The following NAV1 variants were observed in gnomAD, a reference collection of about 807,000 sequenced individuals.
NAV1 encodes the protein neuron navigator 1.
NAV1 carries 18 observed loss-of-function variants against 175.2 expected under a neutral mutation model. The observed-to-expected ratio is 0.10, with a 90% CI of 0.07 to 0.15. NAV1 has a LOEUF of 0.15. Among genes scored for constraint, NAV1 ranks in the 10% least tolerant of loss-of-function variants. The probability of loss-of-function intolerance (pLI) is 1.00; values close to 1 mark genes in which losing one functional copy is unlikely to be tolerated. For synonymous variants in NAV1, 897 were observed against 978.7 expected, an observed-to-expected ratio of 0.92 and a Z score of 1.56; for missense variants, 1,731 against 2,436.6, an observed-to-expected ratio of 0.71 and a Z score of 6.10.
At chr1:201,675,426 G>T (rs77765774) in intron 1 of NAV1, among the ~76,000 whole-genome samples, 4 of 152,136 alleles carry the variant, frequency 2.6e-5, no homozygotes, top group Admixed American at 2.0e-4. Flanking sequence ...GGCCAGCCTC[G>T]TGTAACCTCA....
At chr1:201,774,624 C>CA (rs563425674) in intron 3 of NAV1, among the ~76,000 whole-genome samples, 41 of 151,818 alleles carry the variant, frequency 2.7e-4, no homozygotes, top group Middle Eastern at 6.8e-3. Flanking sequence ...GACCCCATCT[C>CA]AAAAAAAATA....
chr1:201,768,641 T>TAAAA (rs71281169), intron 3 of NAV1, among the ~76,000 whole-genome samples: 2 of 114,170 alleles, frequency 1.8e-5, no homozygotes, highest in African/African-American at 6.6e-5. Flanking sequence ...TTGTCTCAAT[T>TAAAA]AAAAAAAAAA....
chr1:201,652,297 G>T (rs945291180), intron 1 of NAV1, among the ~76,000 whole-genome samples: 2 of 151,858 alleles, frequency 1.3e-5, no homozygotes, highest in Non-Finnish European at 2.9e-5. Flanking sequence ...GAGCCTTTCT[G>T]TAATAAGAGG....
In NAV1 at chr1:201,576,476, T is replaced by C. The variant is rs140951291; in HGVS notation, c.-143-12063T>C. ...AGCTGATAAGCTGGGGATGGTGGCA[T>C]GTGCCTGTAATCTCAACTAATCAGG... is the stretch of plus-strand genomic sequence containing the variant. On this transcript the variant is annotated intron_variant, in intron 1 of 33. Coordinates refer to the NAV1 transcript ENST00000685211. 3.4e-3 allele frequency among the ~76,000 whole-genome samples: 520 copies of C among 152,266 alleles called. 5 individuals are homozygous for C. The highest frequency in any genetic ancestry group is 0.012 in the African/African-American group (504 of 41,546).
In NAV1 at chr1:201,588,518, AT is replaced by A. The variant is rs58689392; in HGVS notation, c.-143-5del. Among the ~76,000 whole-genome samples the A allele has an allele frequency of 0.051, 7,176 of 139,452 alleles. 169 individuals are homozygous for A. The highest frequency in any genetic ancestry group is 0.074 in the Middle Eastern group (21 of 282). 91.5% of individuals were successfully genotyped at this position (139,452 alleles called of 152,430 possible). On this transcript the variant is annotated intron_variant, in intron 1 of 33. Coordinates refer to the NAV1 transcript ENST00000685211. ...AGGTGCCACCACACCCAGCTGATTA[AT>A]TTTTTTTTTTTTTTTGTAGAGACAG...
In NAV1 at chr1:201,702,672, T is replaced by TTCCCTCTCTCTCTCTCTCTTTCTCTCTC. The variant is rs1365276379; in HGVS notation, c.758-10143_758-10142insCCTCTCTCTCTCTCTCTTTCTCTCTCTC. ...AAAAGGGTGAATTTTGGTATGTGAATTCTCTCTCTCTCTCTCTCTCTCTCT... is the reference window on the plus strand; with the variant it reads ...AAAAGGGTGAATTTTGGTATGTGAATTCCCTCTCTCTCTCTCTCTTTCTCTCTCTCTCTCTCTCTCTCTCTCTCTCTCT... On this transcript the variant is annotated intron_variant, in intron 1 of 29. Transcript: ENST00000367296. Among the ~76,000 whole-genome samples, 2 of 1,730 alleles carry TTCCCTCTCTCTCTCTCTCTTTCTCTCTC rather than the reference T, an allele frequency of 1.2e-3. 1 individual carries two copies. The highest frequency in any genetic ancestry group is 1.5e-3 in the African/African-American group (2 of 1,328). The allele number at this position is 1,730 out of a possible 152,430, so 1.1% of individuals were successfully genotyped here. A position where few individuals can be genotyped will look rare whatever the true frequency, so the allele number is the denominator to read the frequency against.
chr1:201,613,930 T>C (rs970204939), intron 2 of NAV1, among the ~76,000 whole-genome samples: 1 of 152,096 alleles, frequency 6.6e-6, no homozygotes, highest in African/African-American at 2.4e-5. Flanking sequence ...TCATCCCTAT[T>C]TCAAAGATGA....
At chr1:201,551,150 A>G (rs1205720680) in intron 1 of NAV1, among the ~76,000 whole-genome samples, 1 of 152,220 alleles carries the variant, frequency 6.6e-6, no homozygotes, top group African/African-American at 2.4e-5. Flanking sequence ...GGGGAACCCA[A>G]GTCTTCCAGC....
At chr1:201,587,879 A>G (rs1667079754) in intron 1 of NAV1, among the ~76,000 whole-genome samples, 1 of 152,216 alleles carries the variant, frequency 6.6e-6, no homozygotes, top group African/African-American at 2.4e-5. Flanking sequence ...CTTCCCCACA[A>G]CTAGGATGGC....
chr1:201,543,386 G>A (rs532668382), intron 1 of NAV1, among the ~76,000 whole-genome samples: 5 of 152,066 alleles, frequency 3.3e-5, no homozygotes, highest in South Asian at 2.1e-4. Context: ...TGTATCACTC[G>A]AGATAATCCT....
intron 1 of NAV1, among the ~76,000 whole-genome samples, chr1:201,588,316 C>G (rs1450766629): frequency 6.6e-6 from 1 of 152,056 alleles, no homozygotes; most frequent in Non-Finnish European, 1.5e-5. Context: ...CACAAAAGCC[C>G]ACGTATTGTA....
chr1:201,743,922 G>A (rs542152617), intron 3 of NAV1, among the ~76,000 whole-genome samples: 71 of 151,950 alleles, frequency 4.7e-4, no homozygotes, highest in African/African-American at 1.7e-3. Flanking sequence ...ATGGAGTTTC[G>A]AGCCCAGGCT....
At chr1:201,588,715 A>C (rs1294467767) in intron 2 of NAV1, among the ~76,000 whole-genome samples, 66 bp downstream of exon 2, 1 of 152,160 alleles carries the variant, frequency 6.6e-6, no homozygotes, top group Admixed American at 6.5e-5. Context: ...TGGGGACAGG[A>C]AAAATAGGGA....
rs1194516495 is a variant in NAV1 at position 201,718,542 on chromosome 1, G to A, written c.1013G>A (p.Arg338His). Residue 338 changes from arginine to histidine, a missense_variant, in exon 3 of 30, where the codon CGC (arginine) becomes CAC (histidine). Arg to His is a conservative substitution (Grantham distance 29, BLOSUM62 0). This residue lies in a region of NAV1 where 487 missense variants were observed against 581.3 expected (regional missense o/e 0.84). Coordinates refer to ENST00000367296, the Ensembl canonical transcript of NAV1. This position sits in a 1 kb window ranked among gnomAD's most constrained non-coding sequence, Gnocchi z 4.8. Reference sequence around the variant, plus strand: ...GCGCCCTCTGTGGGTGGGAGCTGCCGCTCGGAGGGGACGCCCGCCTGGTAC... The same window carrying A: ...GCGCCCTCTGTGGGTGGGAGCTGCCACTCGGAGGGGACGCCCGCCTGGTAC... 4.3e-6 allele frequency: 7 copies of A among 1,612,840 alleles called. No individual in the cohort carries two copies. Among genetic ancestry groups the A allele is most frequent in the Admixed American group, 1.7e-5 (1 of 59,986 alleles).
At chr1:201,767,063 C>T (rs896763996) in intron 3 of NAV1, among the ~76,000 whole-genome samples, 1 of 151,856 alleles carries the variant, frequency 6.6e-6, no homozygotes, top group African/African-American at 2.4e-5. Context: ...TTGTGATCCA[C>T]CTGCCTCGCC....
rs140131420 is a variant in NAV1, at chr1:201,623,369, C to T, written c.-338C>T. Reference sequence around the variant, plus strand: ...GGAGAAACTCAAATACCAGGGGCTCCGGAAGGTCGGAAGCCTCCAAGCTGC... The same window carrying T: ...GGAGAAACTCAAATACCAGGGGCTCTGGAAGGTCGGAAGCCTCCAAGCTGC... On this transcript the variant is annotated 5_prime_UTR_variant, in exon 1 of 30. Coordinates refer to the NAV1 transcript ENST00000367302. 5.6e-5 allele frequency: 55 copies of T among 985,862 alleles called. No homozygotes were observed. The East Asian group carries it at 5.7e-3, about 102-fold the overall frequency. 61.1% of individuals were successfully genotyped at this position (985,862 alleles called of 1,614,324 possible).
intron 10 of NAV1, 27 bp from the exon 15 acceptor site, chr1:201,789,713 A>G: frequency 6.2e-7 from 1 of 1,612,938 alleles, no homozygotes; most frequent in Non-Finnish European, 8.5e-7. Context: ...CCCACTGTTA[A>G]CTCTTTGTGT....
chr1:201,785,212 C>T, intron 7 of NAV1, 98 bp from the exon 12 acceptor site: 1 of 1,283,546 alleles, frequency 7.8e-7, no homozygotes, highest in East Asian at 2.3e-5. Flanking sequence ...CGTCTAGGGT[C>T]TGCATACCTC....
At chr1:201,686,157 TC>T (rs1392984316) in intron 1 of NAV1, among the ~76,000 whole-genome samples, 9 of 151,750 alleles carry the variant, frequency 5.9e-5, no homozygotes, top group Admixed American at 2.0e-4. Context: ...TGGAAGGGAG[TC>T]ATGTTGGTCC....
Sources: allele counts gnomAD v4.1 joint callset (sites outside exome capture counted in the v4.1 genomes callset), GRCh38; gene constraint gnomAD v4.1.1; regional missense constraint gnomAD v4.1.1; non-coding constraint Gnocchi (gnomAD v3.1); transcripts MANE v1.5; gene names NCBI Gene and HGNC (gene_info 2026-07-23, HGNC 2026-07-21).